ABCA13: variants seen among roughly 807,000 people sequenced by gnomAD.
The protein encoded by ABCA13 is ATP-binding cassette sub-family A member 13.
Under a neutral mutation model 478.7 loss-of-function variants are expected in ABCA13, and 476 were observed. The ratio of observed to expected loss-of-function variants is 0.99; its 90% CI spans 0.92 to 1.07. The LOEUF is 1.07. ABCA13 is among the 50% of genes least tolerant of loss of function. The pLI is 0.00. For missense variants in ABCA13, 6,060 were observed against 5,910.6 expected (o/e 1.03, Z -0.83); for synonymous variants, 2,252 against 2,158.9 (o/e 1.04, Z -1.20).
intron 3 of ABCA13, among the ~76,000 whole-genome samples, chr7:48,213,623 T>C (rs1290829427): frequency 1.3e-5 from 2 of 152,240 alleles, no homozygotes; most frequent in African/African-American, 4.8e-5. Context: ...ACTGTTTCTT[T>C]CATGAAAGAT....
chr7:48,287,782 T>C (rs957270854), intron 19 of ABCA13, among the ~76,000 whole-genome samples, 178 bp from the exon 20 acceptor site: 2 of 152,214 alleles, frequency 1.3e-5, no homozygotes, highest in African/African-American at 4.8e-5. Context: ...TTTATTTTAT[T>C]ACATTTGGAA....
chr7:48,520,534 T>G (rs1832470298), intron 53 of ABCA13, among the ~76,000 whole-genome samples: 1 of 152,186 alleles, frequency 6.6e-6, no homozygotes, highest in Non-Finnish European at 1.5e-5. Flanking sequence ...ATTATTTGTC[T>G]CAGCATATTT....
chr7:48,329,001 G>C (rs966222179), intron 27 of ABCA13, among the ~76,000 whole-genome samples: 1 of 152,110 alleles, frequency 6.6e-6, no homozygotes, highest in African/African-American at 2.4e-5. Flanking sequence ...ACAGCTATTC[G>C]CACATGCAAA....
At chr7:48,218,440 T>C (rs948319974) in intron 3 of ABCA13, among the ~76,000 whole-genome samples, 2 of 152,224 alleles carry the variant, frequency 1.3e-5, no homozygotes, top group Non-Finnish European at 2.9e-5. Flanking sequence ...TCCCATACTT[T>C]GGAAGGCCAA....
chr7:48,577,567 T>C (rs1247220500), intron 55 of ABCA13, among the ~76,000 whole-genome samples: 3 of 152,106 alleles, frequency 2.0e-5, no homozygotes. Flanking sequence ...GTATATATCA[T>C]TGAAAGAAAT....
rs1470376861 is a variant in ABCA13, at chr7:48,292,426, C to T, written c.8956-3274C>T. 3.9e-5 allele frequency among the ~76,000 whole-genome samples: 6 copies of T among 152,276 alleles called. No homozygotes were observed. In the East Asian group the frequency reaches 1.2e-3, roughly 29 times the overall value. ...CTCTCCCTTCCTTCTCCCCTTGCCTCGATCCCTAATGCGGTAGCCAGAGTG... is the reference window on the plus strand; with the variant it reads ...CTCTCCCTTCCTTCTCCCCTTGCCTTGATCCCTAATGCGGTAGCCAGAGTG... On this transcript the variant is annotated intron_variant, in intron 20 of 61. Transcript: ENST00000435803.
intron 1 of ABCA13, 26 bp from the exon 2 acceptor site, chr7:48,192,933 A>ATTTT: frequency 1.6e-6 from 2 of 1,249,744 alleles, no homozygotes; most frequent in Non-Finnish European, 2.2e-6. Flanking sequence ...TATTCAGGTG[A>ATTTT]TTTTTTTTTT....
intron 23 of ABCA13, among the ~76,000 whole-genome samples, chr7:48,309,148 C>T (rs1406254516): frequency 6.6e-6 from 1 of 151,452 alleles, no homozygotes; most frequent in Non-Finnish European, 1.5e-5. Flanking sequence ...CATTTTATGG[C>T]ATCTGTTGAG....
intron 33 of ABCA13, among the ~76,000 whole-genome samples, chr7:48,373,992 AG>A (rs1213006783): frequency 2.0e-5 from 3 of 152,214 alleles, no homozygotes; most frequent in Non-Finnish European, 4.4e-5. Flanking sequence ...AGTGTGCTCC[AG>A]GGCATTCACT....
intron 7 of ABCA13, among the ~76,000 whole-genome samples, chr7:48,231,200 A>G (rs574872262): frequency 2.6e-4 from 40 of 152,264 alleles, no homozygotes; most frequent in African/African-American, 8.9e-4. Context: ...TCTTACTTTC[A>G]AGGAAGTCAT....
chr7:48,489,195 C>G, intron 47 of ABCA13, 41 bp from the exon 48 acceptor site: 1 of 1,482,194 alleles, frequency 6.7e-7, no homozygotes, highest in South Asian at 1.2e-5. Flanking sequence ...GACTTACGAG[C>G]TAATTTCGTG....
chr7:48,271,644 A>T, intron 16 of ABCA13, 143 bp from the exon 17 acceptor site: 1 of 487,364 alleles, frequency 2.1e-6, no homozygotes, highest in Non-Finnish European at 3.2e-6. Flanking sequence ...TCCTCACATT[A>T]GTTTAATTTC....
intron 7 of ABCA13, among the ~76,000 whole-genome samples, chr7:48,230,416 T>C (rs993459315): frequency 6.6e-6 from 1 of 152,226 alleles, no homozygotes; most frequent in African/African-American, 2.4e-5. Context: ...AATGGAATTA[T>C]ATAGCTCTTT....
intron 55 of ABCA13, among the ~76,000 whole-genome samples, chr7:48,571,213 A>G (rs1787612669): frequency 6.6e-6 from 1 of 152,234 alleles, no homozygotes; most frequent in Admixed American, 6.5e-5. Context: ...AAAAGGAATT[A>G]CAAGAAACAC....
At chr7:48,227,167 C>G (rs1788334691) in intron 5 of ABCA13, 95 bp from the exon 6 acceptor site, 2 of 1,268,874 alleles carry the variant, frequency 1.6e-6, no homozygotes, top group Non-Finnish European at 1.1e-6. Context: ...AGGAGAATGT[C>G]TACAATTTTG....
chr7:48,389,114 G>A lies in ABCA13; in HGVS notation c.11548G>A (p.Glu3850Lys). 1 of 1,613,910 alleles carries A rather than the reference G, an allele frequency of 6.2e-7. No individual in the cohort carries two copies. The highest frequency in any genetic ancestry group is 8.5e-7 in the Non-Finnish European group (1 of 1,179,864). ...PGVTLVSVTK[E>K]YEGHKAVVQD... ...AGTCACCCTGGTGTCTGTGACCAAG[G>A]AATATGAGGGCCACAAGGCTGTGGT... Residue 3850 changes from glutamate to lysine, a missense_variant, in exon 37 of 62, where the codon GAA (glutamate) becomes AAA (lysine). By Grantham distance (56) the Glu-to-Lys change is moderately conservative. Coordinates refer to ENST00000435803, the MANE Select transcript of ABCA13 (RefSeq NM_152701.5).
chr7:48,463,094 A>G (rs988833883), intron 43 of ABCA13, among the ~76,000 whole-genome samples: 9 of 152,130 alleles, frequency 5.9e-5, no homozygotes, highest in Non-Finnish European at 1.2e-4. Context: ...AGTCCTGTGT[A>G]GGCATGTGCT....
chr7:48,491,166 A>C (rs1585568152), intron 48 of ABCA13, among the ~76,000 whole-genome samples: 1 of 152,236 alleles, frequency 6.6e-6, no homozygotes, highest in Non-Finnish European at 1.5e-5. Context: ...TAGAGATGCT[A>C]GTTTGGTTCA....
intron 58 of ABCA13, among the ~76,000 whole-genome samples, chr7:48,610,533 A>T (rs1330760672): frequency 6.6e-6 from 1 of 152,200 alleles, no homozygotes; most frequent in African/African-American, 2.4e-5. Context: ...TCTACTAGGC[A>T]CTGCCCCAGT....
Sources: allele counts gnomAD v4.1 joint callset (sites outside exome capture counted in the v4.1 genomes callset), GRCh38; gene constraint gnomAD v4.1.1; transcripts MANE v1.5; gene names NCBI Gene and HGNC (gene_info 2026-07-23, HGNC 2026-07-21).